Variants in KLHL8 observed in about 807,000 individuals in gnomAD.
KLHL8 encodes the protein kelch like family member 8.
KLHL8 carries 38 observed loss-of-function variants against 63.5 expected under a neutral mutation model. The observed-to-expected ratio is 0.60, with a 90% CI of 0.46 to 0.78. The LOEUF (loss-of-function observed/expected upper bound fraction) is 0.78, where lower values mean the gene tolerates loss of function less well. Among genes scored for constraint, KLHL8 ranks in the 30% least tolerant of loss-of-function variants. KLHL8 has a pLI of 0.00. For synonymous variants in KLHL8, 224 were observed against 254.3 expected (o/e 0.88, Z 1.13); for missense variants, 566 against 752.4 (o/e 0.75, Z 2.90).
At position 87,186,046 on chromosome 4, in the gene KLHL8, T is replaced by A. The variant is rs540395326; in HGVS notation, c.217-247A>T. Among the ~76,000 whole-genome samples the A allele has an allele frequency of 1.0e-3, 144 of 143,440 alleles. 2 individuals are homozygous for A. Among genetic ancestry groups the A allele is most frequent in the Admixed American group, 3.4e-3 (50 of 14,722 alleles). 94.1% of individuals were successfully genotyped at this position (143,440 alleles called of 152,430 possible). ...CACATACTTTAAAATTAAAAAAAAA[T>A]TTTTTTTTTTGAGACAAGGCCTTGC... On this transcript the variant is annotated intron_variant, in intron 2 of 9. Transcript: ENST00000273963.
rs538856327 is a variant in KLHL8 at position 87,218,242 on chromosome 4, C to CTT, written c.-152+2174_-152+2175dup. Among the ~76,000 whole-genome samples, 216 of 145,478 alleles carry CTT rather than the reference C, an allele frequency of 1.5e-3. 1 individual carries two copies. The highest frequency in any genetic ancestry group is 4.4e-3 in the African/African-American group (175 of 39,822). On this transcript the variant is annotated intron_variant, in intron 1 of 9. Coordinates refer to ENST00000273963, the MANE Select transcript of KLHL8 (RefSeq NM_020803.5). ...GCAGGTGGGATCAAAATTTACCCAA[C>CTT]TTTTTTTTTTTTTTTAGATGGAGTC...
chr4:87,207,807 G>A (rs754030613), intron 1 of KLHL8: 21 of 1,016,208 alleles, frequency 2.1e-5, no homozygotes, highest in African/African-American at 4.8e-5. Context: ...CCAAGGTGTC[G>A]GTCATTAACC....
chr4:87,191,516 A>G (rs1344142012), intron 2 of KLHL8, among the ~76,000 whole-genome samples: 3 of 152,078 alleles, frequency 2.0e-5, no homozygotes, highest in African/African-American at 7.2e-5. Flanking sequence ...AAAATAATTT[A>G]CTATTCCTTC....
chr4:87,161,256 C>T lies in KLHL8; in HGVS notation c.*2263G>A, dbSNP rs1220713871. On this transcript the variant is annotated 3_prime_UTR_variant, in exon 10 of 10. Transcript: ENST00000273963. The stretch of plus-strand genomic sequence containing the variant: ...ACAGGGTTTCACCATGTTGGTCAGG[C>T]TGGTCTTGAACACCTGATCTCAGGT... 1.3e-5 allele frequency: 2 copies of T among 152,158 alleles called. No homozygotes were observed. The highest frequency in any genetic ancestry group is 4.8e-5 in the African/African-American group (2 of 41,414). The allele number at this position is 152,158 out of a possible 1,614,324, so 9.4% of individuals were successfully genotyped here.
intron 1 of KLHL8, among the ~76,000 whole-genome samples, chr4:87,212,957 C>G (rs528307967): frequency 1.3e-3 from 197 of 152,216 alleles, no homozygotes; most frequent in African/African-American, 4.7e-3. Flanking sequence ...AGAGTGTATC[C>G]CCATCCTTAA....
At chr4:87,201,775 C>A (rs1731926858) in intron 1 of KLHL8, among the ~76,000 whole-genome samples, 2 of 152,084 alleles carry the variant, frequency 1.3e-5, no homozygotes, top group Admixed American at 6.5e-5. Flanking sequence ...TCTAAATAAT[C>A]CATGGAGCAA....
At chr4:87,227,194 G>C (rs930885477) in intron 1 of KLHL8, among the ~76,000 whole-genome samples, 2 of 151,116 alleles carry the variant, frequency 1.3e-5, no homozygotes, top group Non-Finnish European at 2.9e-5. Context: ...TAGCAGGATG[G>C]CTGAAAGCCC....
intron 4 of KLHL8, 88 bp from the exon 5 acceptor site, chr4:87,178,708 G>T: frequency 1.5e-6 from 2 of 1,332,098 alleles, no homozygotes; most frequent in South Asian, 1.7e-5. Flanking sequence ...AAAGCAAAAA[G>T]ACAAAAAAAA....
In KLHL8 at chr4:87,164,975, C is replaced by T. The variant is rs543656201; in HGVS notation, c.1538-896G>A. On this transcript the variant is annotated intron_variant, in intron 8 of 9. Transcript: ENST00000273963. The stretch of plus-strand genomic sequence containing the variant: ...CATCCTGGCTAACACGGTGAAACCC[C>T]GTCTCTACTAAAAATACAAAAAAAT... Among the ~76,000 whole-genome samples the T allele has an allele frequency of 1.6e-3, 248 of 151,602 alleles. 1 individual carries two copies. The highest frequency in any genetic ancestry group is 5.0e-3 in the African/African-American group (206 of 41,260).
intron 4 of KLHL8, among the ~76,000 whole-genome samples, chr4:87,182,439 C>T (rs999008695): frequency 6.6e-6 from 1 of 151,966 alleles, no homozygotes; most frequent in African/African-American, 2.4e-5. Flanking sequence ...CTATCAAAGA[C>T]CTCATTATTT....
chr4:87,237,940 A>AT (rs1304868261), intron 1 of KLHL8, among the ~76,000 whole-genome samples: 1 of 151,586 alleles, frequency 6.6e-6, no homozygotes. Flanking sequence ...TTTTAGTGTT[A>AT]TATCATTTTT....
Position 87,185,326 on chromosome 4 carries a change from G to T in KLHL8, c.690C>A (p.Val230=). The change falls in exon 3 of 10, where the codon GTC becomes GTA. Residue 230 remains valine, a synonymous_variant. Coordinates refer to ENST00000273963, the MANE Select transcript of KLHL8 (RefSeq NM_020803.5). ...GAAGCCACTTGATGGCAGCATTATA[G>T]ACCTGCTTTTCATTTTCAATATTTA... ...SDLNIENEKQ[V]YNAAIKWLLA... 6.2e-7 allele frequency: 1 copy of T among 1,614,138 alleles called. No homozygotes were observed. Among genetic ancestry groups the T allele is most frequent in the East Asian group, 2.2e-5 (1 of 44,882 alleles).
At chr4:87,225,361 T>C (rs2110065567), upstream of KLHL8, among the ~76,000 whole-genome samples, 1 of 152,318 alleles carries the variant, frequency 6.6e-6, no homozygotes, top group East Asian at 1.9e-4. Flanking sequence ...GTCTGAAATC[T>C]CCTTAAATAG....
intron 2 of KLHL8, among the ~76,000 whole-genome samples, chr4:87,186,198 C>G (rs1038188957): frequency 1.3e-5 from 2 of 151,922 alleles, no homozygotes; most frequent in African/African-American, 4.8e-5. Flanking sequence ...ACCACCACGC[C>G]TGGCTAATTT....
chr4:87,202,680 G>T (rs778801841), intron 1 of KLHL8, among the ~76,000 whole-genome samples: 1 of 151,922 alleles, frequency 6.6e-6, no homozygotes. Flanking sequence ...ATTAAATCAC[G>T]GTTTGAAAAG....
chr4:87,183,513 G>T, intron 3 of KLHL8, 124 bp from the exon 4 acceptor site: 1 of 732,636 alleles, frequency 1.4e-6, no homozygotes, highest in Non-Finnish European at 2.1e-6. Context: ...ACTGCAGCAT[G>T]TTCTCTTTTT....
At chr4:87,180,915 G>C (rs1731026415) in intron 4 of KLHL8, among the ~76,000 whole-genome samples, 1 of 152,038 alleles carries the variant, frequency 6.6e-6, no homozygotes. Flanking sequence ...ATGTGCCTAT[G>C]ATTCCAGCTA....
At chr4:87,175,688 C>G (rs1005699467) in intron 6 of KLHL8, among the ~76,000 whole-genome samples, 1 of 152,062 alleles carries the variant, frequency 6.6e-6, no homozygotes, top group Non-Finnish European at 1.5e-5. Flanking sequence ...AAGTATGTTA[C>G]TAAAAATCTT....
chr4:87,207,163 A>G, intron 1 of KLHL8: 1 of 565,928 alleles, frequency 1.8e-6, no homozygotes, highest in East Asian at 4.3e-5. Flanking sequence ...TTAACTCTGG[A>G]AAAGTGGATA....
Sources: gnomAD v4.1 joint callset for allele counts (sites outside exome capture counted in the v4.1 genomes callset) on GRCh38, gnomAD v4.1.1 for gene constraint, MANE v1.5 for transcripts, NCBI Gene and HGNC (gene_info 2026-07-23, HGNC 2026-07-21) for gene names.